The following IL18BP variants were observed in gnomAD, a reference collection of about 807,000 sequenced individuals.
IL18BP encodes the protein interleukin-18-binding protein.
A neutral mutation model predicts 19.9 loss-of-function variants in IL18BP; 23 were observed. The observed-to-expected ratio is 1.15, with a 90% CI of 0.83 to 1.64. The LOEUF is 1.64. Among genes scored for constraint, IL18BP ranks in the 40% most tolerant of loss-of-function variants. The pLI, the probability that IL18BP is intolerant of heterozygous loss-of-function variation, is 0.00. For synonymous variants in IL18BP, 107 were observed against 101.0 expected (o/e 1.06, Z -0.35); for missense variants, 239 against 240.7 (o/e 0.99, Z 0.05).
chr11:72,005,977 C>A (rs1955658536), downstream of IL18BP: 1 of 1,382,166 alleles, frequency 7.2e-7, no homozygotes, highest in Non-Finnish European at 1.0e-6. Flanking sequence ...TTTCCCTGTG[C>A]CACGATCCAC....
chr11:72,001,657 G>A (rs749314989), intron 5 of IL18BP, 105 bp downstream of exon 5: 3 of 1,602,048 alleles, frequency 1.9e-6, no homozygotes, highest in Non-Finnish European at 8.5e-7. Flanking sequence ...CTAATGCCCA[G>A]CATTCCTCAA....
chr11:72,004,535 AG>A, downstream of IL18BP: 1 of 1,297,898 alleles, frequency 7.7e-7, no homozygotes, highest in Admixed American at 2.2e-5. Flanking sequence ...AGGGAAAGAG[AG>A]GGGGAAGTGA....
intron 2 of IL18BP, 100 bp downstream of exon 2, chr11:72,000,112 A>T (rs544637015): frequency 7.9e-7 from 1 of 1,270,764 alleles, no homozygotes; most frequent in Admixed American, 2.0e-5. Context: ...AAGGCAAACC[A>T]CCCAGCGCAC....
At chr11:71,999,796 C>A in intron 1 of IL18BP, 131 bp from the exon 2 acceptor site, 2 of 609,480 alleles carry the variant, frequency 3.3e-6, no homozygotes, top group Admixed American at 5.8e-5. Context: ...CTTGACCCCC[C>A]CAGCTCTGTT....
downstream of IL18BP, chr11:72,007,119 C>G (rs1955773232): frequency 3.2e-6 from 5 of 1,563,210 alleles, no homozygotes; most frequent in Non-Finnish European, 4.3e-6. Context: ...TGACTGAGTG[C>G]CCAGTGCAAA....
intron 3 of IL18BP, 70 bp from the exon 4 acceptor site, chr11:72,001,131 A>C: frequency 6.3e-7 from 1 of 1,589,408 alleles, no homozygotes; most frequent in South Asian, 1.1e-5. Context: ...GCTGGCAGGG[A>C]GGGCACAGCA....
rs990006027 is a variant in IL18BP, at chr11:72,002,781, T to G, written c.*920T>G. On this transcript the variant is annotated 3_prime_UTR_variant, in exon 6 of 6. Coordinates refer to ENST00000393703, the MANE Select transcript of IL18BP (RefSeq NM_001039660.2). ...AAAAGGGATGAGAGAAAGGAGGTGG[T>G]ATGGAAGACTCAGCAGGAACAAGGT... 2 of 185,432 alleles carry G rather than the reference T, an allele frequency of 1.1e-5. No homozygotes were observed. Among genetic ancestry groups the G allele is most frequent in the African/African-American group, 4.7e-5 (2 of 42,568 alleles). The allele number at this position is 185,432 out of a possible 1,614,324, so 11.5% of individuals were successfully genotyped here.
downstream of IL18BP, chr11:72,007,327 G>C: frequency 2.5e-6 from 4 of 1,613,570 alleles, no homozygotes; most frequent in Non-Finnish European, 3.4e-6. Flanking sequence ...GGATGGGAGT[G>C]AAGTAGAGAC....
downstream of IL18BP, chr11:72,005,527 A>G: frequency 1.5e-6 from 1 of 645,650 alleles, no homozygotes; most frequent in South Asian, 2.0e-5. Flanking sequence ...TACGGCACAC[A>G]GACTATTTCT....
At chr11:72,006,367 T>C, downstream of IL18BP, 2 of 930,940 alleles carry the variant, frequency 2.1e-6, no homozygotes, top group Non-Finnish European at 3.2e-6. Context: ...ATCCATGTAT[T>C]CCCAACTGCT....
downstream of IL18BP, chr11:72,006,270 GAC>G (rs767124154): frequency 1.9e-6 from 3 of 1,613,116 alleles, no homozygotes; most frequent in South Asian, 2.2e-5. Context: ...GCTTCTGGAA[GAC>G]AGAGTGAATC....
downstream of IL18BP, chr11:72,005,810 G>T: frequency 1.8e-6 from 1 of 566,208 alleles, no homozygotes; most frequent in African/African-American, 1.9e-5. Flanking sequence ...AATTGTGCTG[G>T]GAATCCCGGG....
downstream of IL18BP, chr11:72,004,722 A>C: frequency 6.2e-7 from 1 of 1,613,566 alleles, no homozygotes; most frequent in Non-Finnish European, 8.5e-7. Context: ...GCCCTCGGCT[A>C]TCTGGATTGG....
chr11:72,005,740 T>C, downstream of IL18BP: 1 of 498,798 alleles, frequency 2.0e-6, no homozygotes, highest in South Asian at 2.8e-5. Context: ...AGCCTGGCCT[T>C]TCCAGCAGCC....
chr11:72,006,002 T>C, downstream of IL18BP: 2 of 1,509,566 alleles, frequency 1.3e-6, no homozygotes, highest in South Asian at 2.4e-5. Flanking sequence ...CAGTCTAATT[T>C]TGGGGTATAG....
At chr11:72,005,247 G>C (rs771804849), downstream of IL18BP, 1 of 1,601,676 alleles carries the variant, frequency 6.2e-7, no homozygotes, top group South Asian at 1.1e-5. Context: ...GACTCCAGGG[G>C]ATAGCAGGTC....
chr11:72,007,107 C>G (rs1405933191), downstream of IL18BP: 2 of 1,532,002 alleles, frequency 1.3e-6, no homozygotes, highest in African/African-American at 2.7e-5. Context: ...CCTCCCTGCT[C>G]CTGACTGAGT....
At chr11:71,999,717 A>G (rs1030306724) in intron 1 of IL18BP, 1 of 482,612 alleles carries the variant, frequency 2.1e-6, no homozygotes, top group South Asian at 2.5e-5. Flanking sequence ...ATGAAGGGGT[A>G]AGATTGGACT....
Position 72,001,914 on chromosome 11 carries a change from C to CCTGT in IL18BP, c.*56_*59dup. On this transcript the variant is annotated 3_prime_UTR_variant, in exon 6 of 6. Coordinates refer to ENST00000393703, the MANE Select transcript of IL18BP (RefSeq NM_001039660.2). ...AACCTTGACCAGAGCTTGGGTCCTA[C>CCTGT]CTGTCTACCTGGAGTGAACAGTCCC... 6.2e-7 allele frequency: 1 copy of CCTGT among 1,610,450 alleles called. No homozygotes were observed. Among genetic ancestry groups the CCTGT allele is most frequent in the Non-Finnish European group, 8.5e-7 (1 of 1,178,246 alleles).
Sources: gnomAD v4.1 joint callset for allele counts on GRCh38, gnomAD v4.1.1 for gene constraint, MANE v1.5 for transcripts, NCBI Gene and HGNC (gene_info 2026-07-23, HGNC 2026-07-21) for gene names.